Variants in SORCS3 observed in about 807,000 individuals in gnomAD.
The protein encoded by SORCS3 is VPS10 domain-containing receptor SorCS3.
Under a neutral mutation model 146.3 loss-of-function variants are expected in SORCS3, and 57 were observed. That is an observed-to-expected ratio of 0.39 (90% CI 0.31 to 0.49). SORCS3 has a LOEUF of 0.49. SORCS3 is among the 20% of genes least tolerant of loss of function. The pLI is 0.92. For synonymous variants in SORCS3, 653 were observed against 618.5 expected (o/e 1.06, Z -0.83); for missense variants, 1,341 against 1,575.5 (o/e 0.85, Z 2.52).
intron 2 of SORCS3, among the ~76,000 whole-genome samples, chr10:104,855,183 G>C (rs1196494530): frequency 6.6e-6 from 1 of 152,064 alleles, no homozygotes; most frequent in Non-Finnish European, 1.5e-5. Flanking sequence ...TGTTGCATTG[G>C]GATGTGTCCA....
intron 1 of SORCS3, among the ~76,000 whole-genome samples, chr10:104,761,725 T>C (rs1261190380): frequency 6.6e-6 from 1 of 152,130 alleles, no homozygotes; most frequent in Non-Finnish European, 1.5e-5. Context: ...AAACAGATTA[T>C]TGTCATTGAA....
At chr10:104,869,728 C>T (rs1044739860) in intron 2 of SORCS3, among the ~76,000 whole-genome samples, 7 of 152,130 alleles carry the variant, frequency 4.6e-5, no homozygotes, top group Non-Finnish European at 5.9e-5. Context: ...TATCAGGATG[C>T]GTAATTACTA....
At chr10:104,991,752 G>C (rs1354319140) in intron 4 of SORCS3, among the ~76,000 whole-genome samples, 1 of 152,096 alleles carries the variant, frequency 6.6e-6, no homozygotes, top group African/African-American at 2.4e-5. Flanking sequence ...GCCCACCTTG[G>C]CCTCCCAAAG....
At chr10:105,048,082 G>T (rs2055386202) in intron 5 of SORCS3, among the ~76,000 whole-genome samples, 1 of 151,812 alleles carries the variant, frequency 6.6e-6, no homozygotes, top group Admixed American at 6.6e-5. Flanking sequence ...TTACACTGTT[G>T]GTGGGACTGT....
At chr10:104,744,901 C>T (rs180733288) in intron 1 of SORCS3, among the ~76,000 whole-genome samples, 4 of 152,248 alleles carry the variant, frequency 2.6e-5, no homozygotes, top group African/African-American at 4.8e-5. Flanking sequence ...GTTTGCTTCA[C>T]GGGCATTAAT....
intron 2 of SORCS3, among the ~76,000 whole-genome samples, chr10:104,910,346 A>G (rs1170218353): frequency 1.3e-5 from 2 of 152,258 alleles, no homozygotes; most frequent in African/African-American, 2.4e-5. Flanking sequence ...ACGTCACCCC[A>G]GAAAAACTTT....
chr10:105,025,963 C>A (rs981683310), intron 4 of SORCS3, among the ~76,000 whole-genome samples: 3 of 151,942 alleles, frequency 2.0e-5, no homozygotes, highest in African/African-American at 4.8e-5. Flanking sequence ...GTAAGTGACA[C>A]CCCTTTCTGC....
intron 18 of SORCS3, among the ~76,000 whole-genome samples, chr10:105,215,004 C>T (rs181123614): frequency 6.6e-6 from 1 of 152,156 alleles, no homozygotes; most frequent in Non-Finnish European, 1.5e-5. Flanking sequence ...TTTATTCTGA[C>T]CCTTAATCCC....
chr10:105,178,308 A>C (rs2056420850), intron 14 of SORCS3, 135 bp downstream of exon 14: 1 of 606,034 alleles, frequency 1.7e-6, no homozygotes, highest in African/African-American at 1.9e-5. Context: ...TCATCTATAA[A>C]ATGGAAATAC....
At chr10:105,261,258 G>A (rs1008347988) in intron 25 of SORCS3, among the ~76,000 whole-genome samples, 1 of 152,206 alleles carries the variant, frequency 6.6e-6, no homozygotes, top group African/African-American at 2.4e-5. Flanking sequence ...GATAGTCAGG[G>A]GAAGCCTCTC....
chr10:105,234,937 A>G (rs572306292), intron 20 of SORCS3, among the ~76,000 whole-genome samples: 1 of 152,090 alleles, frequency 6.6e-6, no homozygotes, highest in African/African-American at 2.4e-5. Flanking sequence ...ACAGCTGGAC[A>G]TGATATACTG....
chr10:105,231,623 A>G (rs775931606), intron 20 of SORCS3, among the ~76,000 whole-genome samples: 9 of 152,100 alleles, frequency 5.9e-5, no homozygotes, highest in Non-Finnish European at 1.0e-4. Context: ...CTAATTTCAC[A>G]CCATTAATTA....
At chr10:104,949,135 C>T (rs567920455) in intron 3 of SORCS3, among the ~76,000 whole-genome samples, 1 of 152,174 alleles carries the variant, frequency 6.6e-6, no homozygotes, top group South Asian at 2.1e-4. Context: ...CAATAGGTCC[C>T]ATCAGCACAC....
chr10:105,238,867 T>A (rs2056807937), intron 20 of SORCS3, among the ~76,000 whole-genome samples: 1 of 152,184 alleles, frequency 6.6e-6, no homozygotes, highest in Non-Finnish European at 1.5e-5. Context: ...GTTTACTACC[T>A]TCAACTATTT....
In SORCS3 at chr10:105,245,596, G is replaced by A. The variant is rs564565487; in HGVS notation, c.2923G>A (p.Asp975Asn). The A allele has an allele frequency of 3.2e-5, 51 of 1,614,080 alleles. No homozygotes were observed. The highest frequency in any genetic ancestry group is 2.0e-4 in the African/African-American group (15 of 75,018). ...CTTCACATTCCTTGCAGAAGGAACC[G>A]ACACCATCACAGTCCAGGTGGCTGC... Reference protein sequence around the residue: ...ISFTFLAEGTDTITVQVAAGN... With the variant: ...ISFTFLAEGTNTITVQVAAGN... Residue 975 changes from aspartate to asparagine, a missense_variant, in exon 21 of 27, where the codon GAC (aspartate) becomes AAC (asparagine). Transcript: ENST00000369701.
intron 1 of SORCS3, among the ~76,000 whole-genome samples, chr10:104,669,410 A>G (rs2015824257): frequency 6.6e-6 from 1 of 152,108 alleles, no homozygotes; most frequent in Non-Finnish European, 1.5e-5. Context: ...ATTCTACCCT[A>G]CTTCCAGCCC....
intron 7 of SORCS3, among the ~76,000 whole-genome samples, chr10:105,119,760 A>G (rs1468497783): frequency 6.6e-6 from 1 of 152,070 alleles, no homozygotes; most frequent in Admixed American, 6.5e-5. Context: ...AATTTCTCCC[A>G]TTTGGAATGG....
intron 4 of SORCS3, among the ~76,000 whole-genome samples, chr10:105,013,982 GACACACACAC>G (rs71952036): frequency 4.8e-5 from 7 of 144,716 alleles, no homozygotes; most frequent in Middle Eastern, 3.6e-3. Context: ...CAGACACACA[GACACACACAC>G]ACACACACAC....
At chr10:104,851,016 C>T (rs920297422) in intron 2 of SORCS3, among the ~76,000 whole-genome samples, 1 of 152,182 alleles carries the variant, frequency 6.6e-6, no homozygotes, top group Non-Finnish European at 1.5e-5. Context: ...GTCTAAACTA[C>T]TTAGTTTGAA....
Sources: allele counts gnomAD v4.1 joint callset (sites outside exome capture counted in the v4.1 genomes callset), GRCh38; gene constraint gnomAD v4.1.1; transcripts MANE v1.5; gene names NCBI Gene and HGNC (gene_info 2026-07-23, HGNC 2026-07-21).